NRXN3: variants seen among roughly 807,000 people sequenced by gnomAD.
NRXN3 encodes the protein neurexin III.
In NRXN3, 32 loss-of-function variants were observed where a neutral mutation model predicts 137.6. The ratio of observed to expected loss-of-function variants is 0.23; its 90% CI spans 0.18 to 0.31. The LOEUF is 0.31. Ranked by LOEUF, NRXN3 falls within the 10% of genes least tolerant of loss-of-function variation. The pLI, the probability that NRXN3 is intolerant of heterozygous loss-of-function variation, is 1.00. For missense variants in NRXN3, 1,574 were observed against 2,062.5 expected, an observed-to-expected ratio of 0.76 and a Z score of 4.59; for synonymous variants, 798 against 784.5, an observed-to-expected ratio of 1.02 and a Z score of -0.29.
At chr14:78,667,179 T>G (rs972828223) in intron 6 of NRXN3, among the ~76,000 whole-genome samples, 4 of 152,146 alleles carry the variant, frequency 2.6e-5, no homozygotes, top group Admixed American at 6.6e-5. Context: ...AGCTCAGATT[T>G]AGGAGGTAGA....
chr14:79,614,709 C>T (rs933107117), intron 16 of NRXN3, among the ~76,000 whole-genome samples: 9 of 146,268 alleles, frequency 6.2e-5, no homozygotes, highest in East Asian at 2.0e-4. Context: ...CAAAATGTTA[C>T]GTTAAATACT....
At chr14:78,232,011 AC>A (rs1161864048) in intron 1 of NRXN3, among the ~76,000 whole-genome samples, 3 of 152,078 alleles carry the variant, frequency 2.0e-5, no homozygotes, top group Non-Finnish European at 2.9e-5. Context: ...CTCAGCCTTC[AC>A]CCCCATTGTA....
At chr14:79,072,012 G>C (rs1408498021) in intron 15 of NRXN3, 1 of 121,970 alleles carries the variant, frequency 8.2e-6, no homozygotes, top group African/African-American at 2.5e-5. Flanking sequence ...AGATAATAAA[G>C]TAATTACTAT....
At chr14:78,897,849 G>A (rs905564095) in intron 10 of NRXN3, among the ~76,000 whole-genome samples, 2 of 151,892 alleles carry the variant, frequency 1.3e-5, no homozygotes, top group African/African-American at 2.4e-5. Flanking sequence ...CATCATCAGG[G>A]CTTCCTTGGC....
intron 10 of NRXN3, among the ~76,000 whole-genome samples, chr14:78,926,505 C>A (rs1388159934): frequency 6.9e-6 from 1 of 145,698 alleles, no homozygotes; most frequent in Non-Finnish European, 1.5e-5. Flanking sequence ...CTTTGAGAGG[C>A]CAAGGTAGGT....
chr14:79,238,913 G>A (rs533254422), intron 15 of NRXN3, among the ~76,000 whole-genome samples: 1 of 152,162 alleles, frequency 6.6e-6, no homozygotes, highest in African/African-American at 2.4e-5. Context: ...ACTGCAAGAT[G>A]TTTGCTTTGC....
chr14:79,614,406 G>T (rs1297173945), intron 16 of NRXN3, among the ~76,000 whole-genome samples: 1 of 152,052 alleles, frequency 6.6e-6, no homozygotes, highest in Non-Finnish European at 1.5e-5. Context: ...CCTGTGTGAA[G>T]TATGGAAACT....
intron 10 of NRXN3, among the ~76,000 whole-genome samples, chr14:78,882,275 T>A (rs1185482255): frequency 2.6e-5 from 4 of 151,566 alleles, no homozygotes; most frequent in Admixed American, 6.6e-5. Context: ...CCTACTGGGG[T>A]ACTGACTAGT....
intron 15 of NRXN3, among the ~76,000 whole-genome samples, chr14:79,048,858 A>G (rs1369784948): frequency 6.7e-6 from 1 of 148,850 alleles, no homozygotes; most frequent in Non-Finnish European, 1.5e-5. Context: ...CCCCGTCTCT[A>G]CTAAAAATAC....
intron 16 of NRXN3, among the ~76,000 whole-genome samples, chr14:79,577,713 T>C (rs1019097028): frequency 6.6e-6 from 1 of 152,238 alleles, no homozygotes; most frequent in Non-Finnish European, 1.5e-5. Context: ...ATACTAAATG[T>C]GGCACATAGT....
intron 19 of NRXN3, among the ~76,000 whole-genome samples, chr14:79,717,776 C>G (rs1473941923): frequency 6.6e-6 from 1 of 152,130 alleles, no homozygotes; most frequent in Non-Finnish European, 1.5e-5. Context: ...ATTTCCTAAT[C>G]CTTCTTATCT....
At chr14:78,988,172 T>C (rs1396023860) in intron 15 of NRXN3, 31 bp downstream of exon 15, 3 of 1,613,124 alleles carry the variant, frequency 1.9e-6, no homozygotes, top group Non-Finnish European at 2.5e-6. Flanking sequence ...TACTGGAACT[T>C]TGTGAAGATG....
chr14:78,281,974 C>A (rs529782384), intron 3 of NRXN3, among the ~76,000 whole-genome samples: 1 of 152,268 alleles, frequency 6.6e-6, no homozygotes, highest in South Asian at 2.1e-4. Flanking sequence ...TCAAAAATCT[C>A]TATTGAACAA....
At chr14:78,640,259 C>A (rs1030549890) in intron 4 of NRXN3, among the ~76,000 whole-genome samples, 1 of 152,182 alleles carries the variant, frequency 6.6e-6, no homozygotes, top group Admixed American at 6.5e-5. Flanking sequence ...TTCCAGGCAA[C>A]CCCTGAAAAA....
At chr14:79,596,346 T>A (rs982320937) in intron 16 of NRXN3, among the ~76,000 whole-genome samples, 2 of 152,174 alleles carry the variant, frequency 1.3e-5, no homozygotes, top group African/African-American at 4.8e-5. Flanking sequence ...TTGCTTCATC[T>A]GAAAAAGGTA....
At chr14:78,799,768 G>A (rs966566792) in intron 8 of NRXN3, among the ~76,000 whole-genome samples, 4 of 152,162 alleles carry the variant, frequency 2.6e-5, no homozygotes, top group Non-Finnish European at 5.9e-5. Context: ...TTATATCATG[G>A]TAGACAAGAG....
At position 78,389,081 on chromosome 14, in the gene NRXN3, G is replaced by A. The variant is rs577157815; in HGVS notation, c.757+91221G>A. On this transcript the variant is annotated intron_variant, in intron 4 of 20. Transcript: ENST00000335750. ...CTTTTTTTTTTTTTTTGTTTGAGACGGAGTTGCTCTGTTGCCCAGGCTGGA... is the reference window on the plus strand; with the variant it reads ...CTTTTTTTTTTTTTTTGTTTGAGACAGAGTTGCTCTGTTGCCCAGGCTGGA... Among the ~76,000 whole-genome samples, 289 of 149,770 alleles carry A rather than the reference G, an allele frequency of 1.9e-3. 2 individuals carry two copies. In the South Asian group the frequency reaches 0.028, roughly 14 times the overall value.
intron 9 of NRXN3, among the ~76,000 whole-genome samples, chr14:78,808,417 C>G (rs1272573856): frequency 6.6e-6 from 1 of 152,212 alleles, no homozygotes; most frequent in African/African-American, 2.4e-5. Context: ...TTTAGGCTCA[C>G]TCTTCCTCTC....
intron 8 of NRXN3, among the ~76,000 whole-genome samples, chr14:78,793,659 G>C (rs1035823568): frequency 6.6e-6 from 1 of 152,170 alleles, no homozygotes; most frequent in Non-Finnish European, 1.5e-5. Flanking sequence ...CAACCCTGGA[G>C]TCCAGGGTTT....
Sources: allele counts gnomAD v4.1 joint callset (sites outside exome capture counted in the v4.1 genomes callset), GRCh38; gene constraint gnomAD v4.1.1; transcripts MANE v1.5; gene names NCBI Gene and HGNC (gene_info 2026-07-23, HGNC 2026-07-21).